The following AP3B2 variants were observed in gnomAD, a reference collection of about 807,000 sequenced individuals.
The protein encoded by AP3B2 is AP-3 complex subunit beta-2.
A neutral mutation model predicts 126.9 loss-of-function variants in AP3B2; 50 were observed. That is an observed-to-expected ratio of 0.39 (90% CI 0.31 to 0.50). AP3B2 has a LOEUF of 0.50. AP3B2 is among the 20% of genes least tolerant of loss of function. The probability of loss-of-function intolerance (pLI) is 0.79; values close to 1 mark genes in which losing one functional copy is unlikely to be tolerated. For missense variants in AP3B2, 1,177 were observed against 1,426.4 expected (o/e 0.83, Z 2.82); for synonymous variants, 541 against 565.0 (o/e 0.96, Z 0.60).
chr15:82,709,398 G>T (rs1279037319), intron 1 of AP3B2, among the ~76,000 whole-genome samples, 196 bp downstream of exon 1: 7 of 151,698 alleles, frequency 4.6e-5, no homozygotes, highest in African/African-American at 1.7e-4. Context: ...GTCCTAGGCC[G>T]GCCCCTGGAG....
chr15:82,686,493 A>C (rs539171135), intron 4 of AP3B2: 25 of 152,392 alleles, frequency 1.6e-4, no homozygotes, highest in African/African-American at 6.0e-4. Context: ...TTACTAGCAC[A>C]GGAATAAATA....
Position 82,664,093 on chromosome 15 carries a change from C to A in AP3B2, c.2262-118G>T. The A allele has an allele frequency of 6.9e-7, 1 of 1,449,158 alleles. No homozygotes were observed. The highest frequency in any genetic ancestry group is 1.4e-5 in the South Asian group (1 of 70,096). The allele number at this position is 1,449,158 out of a possible 1,614,324, so 89.8% of individuals were successfully genotyped here. ...GTGGGGAGCCTGAGCCAGGAGGGTT[C>A]ACACCTGAGGTCCTATAGCAGGGAC... is the stretch of plus-strand genomic sequence containing the variant. On this transcript the variant is annotated intron_variant, in intron 19 of 26. Coordinates refer to ENST00000535359, the MANE Select transcript of AP3B2 (RefSeq NM_001278512.2). This position sits in a 1 kb window ranked among gnomAD's most constrained non-coding sequence, Gnocchi z 4.5.
chr15:82,683,031 A>G (rs2048367215), intron 4 of AP3B2, among the ~76,000 whole-genome samples: 1 of 142,950 alleles, frequency 7.0e-6, no homozygotes. Flanking sequence ...CAATGTTCAC[A>G]GCATCTGCAC....
Position 82,683,047 on chromosome 15 carries a change from G to GTTTT in AP3B2, c.361-1471_361-1468dup, listed in dbSNP as rs61213011. Among the ~76,000 whole-genome samples, 84 of 77,728 alleles carry GTTTT rather than the reference G, an allele frequency of 1.1e-3. 10 individuals are homozygous for GTTTT. The highest frequency in any genetic ancestry group is 3.4e-3 in the East Asian group (8 of 2,364). 51.0% of individuals were successfully genotyped at this position (77,728 alleles called of 152,430 possible). ...AATGTTCACAGCATCTGCACCAGGA[G>GTTTT]TTTTTTTTTTTTTTTTTTTTTTTTT... On this transcript the variant is annotated intron_variant, in intron 4 of 26. Coordinates refer to ENST00000535359, the MANE Select transcript of AP3B2 (RefSeq NM_001278512.2).
rs757047154 is a variant in AP3B2, at chr15:82,680,762, G to T, written c.772-7C>A. On this transcript the variant is annotated splice_region_variant and splice_polypyrimidine_tract_variant and intron_variant, in intron 7 of 26. Transcript: ENST00000535359. This position sits in a 1 kb window ranked among gnomAD's most constrained non-coding sequence, Gnocchi z 6.1. The stretch of plus-strand genomic sequence containing the variant: ...TCTCCTCTAGTAGGGATTCCTGGAC[G>T]GGGAGACCGACGGGTCTGTGGGCGC... 11 of 1,593,242 alleles carry T rather than the reference G, an allele frequency of 6.9e-6. No individual in the cohort carries two copies. Among genetic ancestry groups the T allele is most frequent in the Non-Finnish European group, 9.4e-6 (11 of 1,170,988 alleles).
chr15:82,688,998 A>G (rs1794625526), intron 3 of AP3B2, 160 bp downstream of exon 3: 3 of 1,019,612 alleles, frequency 2.9e-6, no homozygotes, highest in Admixed American at 2.1e-5. Context: ...CTTGATCCAC[A>G]TCCAGTTCAG....
At chr15:82,683,322 G>T (rs1038656865) in intron 4 of AP3B2, among the ~76,000 whole-genome samples, 6 of 152,098 alleles carry the variant, frequency 3.9e-5, no homozygotes, top group Admixed American at 1.3e-4. Flanking sequence ...CACCCAAAAT[G>T]CTGGGATTAC....
chr15:82,662,139 C>G (rs370930780), intron 24 of AP3B2, 29 bp downstream of exon 24: 1 of 1,567,570 alleles, frequency 6.4e-7, no homozygotes, highest in African/African-American at 1.4e-5. Context: ...AGCCCATCCT[C>G]TCACCCCCAC....
chr15:82,664,003 G>A lies in AP3B2; in HGVS notation c.2262-28C>T. ...GAAGGAGTGGGAAAGGTTGGCTCAG[G>A]CCTGGCCTGGACACTCCCTCCTTGC... On this transcript the variant is annotated intron_variant, in intron 19 of 26. Coordinates refer to ENST00000535359, the MANE Select transcript of AP3B2 (RefSeq NM_001278512.2). The surrounding 1 kb of genome is among the most constrained non-coding windows in gnomAD (Gnocchi z 4.5). 1 of 1,592,526 alleles carries A rather than the reference G, an allele frequency of 6.3e-7. No homozygotes were observed. Among genetic ancestry groups the A allele is most frequent in the Non-Finnish European group, 8.5e-7 (1 of 1,175,280 alleles).
chr15:82,669,925 C>T (rs190218290), intron 14 of AP3B2, among the ~76,000 whole-genome samples: 1,981 of 133,260 alleles, frequency 0.015, 56 homozygotes, highest in African/African-American at 0.055. Flanking sequence ...TGCTTGAACC[C>T]GGGAGGCAGA....
chr15:82,676,439 G>A (rs1172802811), intron 14 of AP3B2, 22 bp downstream of exon 14: 15 of 1,611,214 alleles, frequency 9.3e-6, no homozygotes, highest in Non-Finnish European at 2.5e-6. Flanking sequence ...GAGTATCTGG[G>A]GGGTCATCTC....
At chr15:82,663,770 G>T in intron 20 of AP3B2, 31 bp downstream of exon 20, 2 of 1,603,636 alleles carry the variant, frequency 1.2e-6, no homozygotes, top group Non-Finnish European at 1.7e-6. Context: ...TGGCCCATGA[G>T]CACACCCTGA....
chr15:82,671,982 T>C (rs2048166969), intron 14 of AP3B2, among the ~76,000 whole-genome samples: 1 of 151,664 alleles, frequency 6.6e-6, no homozygotes, highest in South Asian at 2.1e-4. Context: ...AGGCGGAGGT[T>C]GCAGTGAGCT....
At position 82,662,221 on chromosome 15, in the gene AP3B2, A is replaced by G; in HGVS notation, c.2865T>C (p.Ala955=). 6.2e-7 allele frequency: 1 copy of G among 1,602,426 alleles called. No homozygotes were observed. Among genetic ancestry groups the G allele is most frequent in the South Asian group, 1.1e-5 (1 of 88,392 alleles). ...AGTCACAGAAATTAATGCCCATTACAGCAGTGGCAGATTCTCCAGGTGCCA... is the reference window on the plus strand; with the variant it reads ...AGTCACAGAAATTAATGCCCATTACGGCAGTGGCAGATTCTCCAGGTGCCA... ...ESLAPGESAT[A]VMGINFCDST... is the part of the protein sequence containing the mutation. Residue 955 remains alanine (A), a synonymous_variant, in exon 24 of 27, where the codon GCT becomes GCC. Transcript: ENST00000535359.
At position 82,709,804 on chromosome 15, in the gene AP3B2, G is replaced by A; in HGVS notation, c.-98C>T. On this transcript the variant is annotated 5_prime_UTR_variant, in exon 1 of 27. Transcript: ENST00000535359. Reference sequence around the variant, plus strand: ...GCGGGCCGGTCCGGTCCGGGCTGGCGAAGGCGGCGGCGCGGCAGGGGTTCA... The same window carrying A: ...GCGGGCCGGTCCGGTCCGGGCTGGCAAAGGCGGCGGCGCGGCAGGGGTTCA... The A allele has an allele frequency of 1.0e-6, 1 of 965,924 alleles. No individual in the cohort carries two copies. The highest frequency in any genetic ancestry group is 1.7e-5 in the African/African-American group (1 of 57,666). The allele number at this position is 965,924 out of a possible 1,614,324, so 59.8% of individuals were successfully genotyped here.
chr15:82,704,621 C>A (rs538185793), intron 1 of AP3B2, among the ~76,000 whole-genome samples: 2 of 141,118 alleles, frequency 1.4e-5, no homozygotes, highest in Non-Finnish European at 3.2e-5. Flanking sequence ...CACTGGAAAT[C>A]GGACTGTCCA....
At chr15:82,700,396 G>GGTTTTTTTTTTTTTTTTTTTTT (rs1567275643) in intron 1 of AP3B2, among the ~76,000 whole-genome samples, 2 of 11,270 alleles carry the variant, frequency 1.8e-4, no homozygotes, top group East Asian at 0.01. Context: ...GTGGTGGGTG[G>GGTTTTTTTTTTTTTTTTTTTTT]CTTTTTTTTT....
chr15:82,695,673 A>G (rs1315979082), intron 1 of AP3B2, among the ~76,000 whole-genome samples: 1 of 152,118 alleles, frequency 6.6e-6, no homozygotes, highest in African/African-American at 2.4e-5. Flanking sequence ...TTTATAATAA[A>G]TGGGTAAATA....
chr15:82,679,882 C>T, intron 9 of AP3B2, 82 bp from the exon 10 acceptor site: 1 of 1,290,194 alleles, frequency 7.8e-7, no homozygotes, highest in African/African-American at 1.5e-5. Context: ...CCTATCCTGA[C>T]CCAGCGCCCA....
Sources: gnomAD v4.1 joint callset for allele counts (sites outside exome capture counted in the v4.1 genomes callset) on GRCh38, gnomAD v4.1.1 for gene constraint, Gnocchi (gnomAD v3.1) non-coding constraint, MANE v1.5 for transcripts, NCBI Gene and HGNC (gene_info 2026-07-23, HGNC 2026-07-21) for gene names.